Variants in AGO1 observed in about 807,000 individuals in gnomAD.
The protein encoded by AGO1 is argonaute RISC component 1, also known as protein argonaute-1.
A neutral mutation model predicts 109.2 loss-of-function variants in AGO1; 11 were observed. The observed-to-expected ratio is 0.10, with a 90% CI of 0.06 to 0.17. The LOEUF (loss-of-function observed/expected upper bound fraction) is 0.17, where lower values mean the gene tolerates loss of function less well. Ranked by LOEUF, AGO1 falls within the 10% of genes least tolerant of loss-of-function variation. The pLI, the probability that AGO1 is intolerant of heterozygous loss-of-function variation, is 1.00. For missense variants in AGO1, 574 were observed against 1,140.3 expected, an observed-to-expected ratio of 0.50 and a Z score of 7.15; for synonymous variants, 422 against 418.6, an observed-to-expected ratio of 1.01 and a Z score of -0.10.
At position 35,919,566 on chromosome 1, in the gene AGO1, C is replaced by G. The variant is rs774302590; in HGVS notation, c.2533C>G (p.Gln845Glu). Residue 845 changes from glutamine to glutamate, a missense_variant, in exon 19 of 19, where the codon CAG (glutamine) becomes GAG (glutamate). Around this residue, in one of 8 missense-constraint regions of AGO1, gnomAD observed 33 missense variants for 44.2 expected, o/e 0.75. Transcript: ENST00000373204. This position sits in a 1 kb window ranked among gnomAD's most constrained non-coding sequence, Gnocchi z 6.6. Reference sequence around the variant, plus strand: ...CCCCCAGGCCCTGGCCAAAGCCGTGCAGGTTCACCAGGATACTCTGCGCAC... The same window carrying G: ...CCCCCAGGCCCTGGCCAAAGCCGTGGAGGTTCACCAGGATACTCTGCGCAC... ...RDPQALAKAVQVHQDTLRTMY... is the reference protein window; with the variant it reads ...RDPQALAKAVEVHQDTLRTMY... 6.2e-7 allele frequency: 1 copy of G among 1,614,136 alleles called. No individual in the cohort carries two copies. Among genetic ancestry groups the G allele is most frequent in the African/African-American group, 1.3e-5 (1 of 75,064 alleles).
intron 7 of AGO1, among the ~76,000 whole-genome samples, chr1:35,894,740 C>A (rs1050209059): frequency 6.6e-6 from 1 of 152,144 alleles, no homozygotes; most frequent in Non-Finnish European, 1.5e-5. Context: ...CTCCTGGGCT[C>A]CTTGGGGAAG....
chr1:35,876,073 G>C (rs1342194894), intron 1 of AGO1, among the ~76,000 whole-genome samples: 1 of 152,090 alleles, frequency 6.6e-6, no homozygotes, highest in East Asian at 1.9e-4. Context: ...AAAAATAAGG[G>C]TTTGGAAGAC....
rs1163754955 is a variant in AGO1, at chr1:35,888,476, C to T, written c.75C>T (p.Arg25=). The T allele has an allele frequency of 1.9e-6, 3 of 1,614,094 alleles. No homozygotes were observed. Among genetic ancestry groups the T allele is most frequent in the African/African-American group, 2.7e-5 (2 of 74,922 alleles). Residue 25 remains arginine (R), a synonymous_variant, in exon 2 of 19, where the codon CGC becomes CGT. Coordinates refer to ENST00000373204, the MANE Select transcript of AGO1 (RefSeq NM_012199.5). This position sits in a 1 kb window ranked among gnomAD's most constrained non-coding sequence, Gnocchi z 4.1. ...PPLQQVFQAP[R]RPGIGTVGKP... ...TGCAGCAGGTGTTCCAGGCACCTCG[C>T]CGGCCTGGCATTGGCACTGTGGGGA...
At chr1:35,891,672 C>T (rs1645221847) in intron 2 of AGO1, among the ~76,000 whole-genome samples, 1 of 151,966 alleles carries the variant, frequency 6.6e-6, no homozygotes, top group Admixed American at 6.6e-5. Flanking sequence ...TCAAGTGATC[C>T]TCCCGCTTCA....
Position 35,911,820 on chromosome 1 carries a change from G to T in AGO1, c.1583-2022G>T, listed in dbSNP as rs913889697. The stretch of plus-strand genomic sequence containing the variant: ...TCACTAACTCCAGAGGACATTTCTG[G>T]TCCTGATTTTACCTCATCTCTTAGA... On this transcript the variant is annotated intron_variant, in intron 12 of 18. Coordinates refer to ENST00000373204, the MANE Select transcript of AGO1 (RefSeq NM_012199.5). Among the ~76,000 whole-genome samples the T allele has an allele frequency of 7.9e-5, 12 of 151,796 alleles. No individual in the cohort carries two copies. In the East Asian group the frequency reaches 2.1e-3, roughly 27 times the overall value.
chr1:35,926,234 G>T lies in AGO1; in HGVS notation c.*6627G>T, dbSNP rs910853352. 3 of 152,202 alleles carry T rather than the reference G, an allele frequency of 2.0e-5. No homozygotes were observed. Among genetic ancestry groups the T allele is most frequent in the Non-Finnish European group, 4.4e-5 (3 of 68,036 alleles). The allele number at this position is 152,202 out of a possible 1,614,324, so 9.4% of individuals were successfully genotyped here. On this transcript the variant is annotated 3_prime_UTR_variant, in exon 19 of 19. Transcript: ENST00000373204. Reference sequence around the variant, plus strand: ...AAAGATTGATATTGAAAAGCCTTCAGGATTTGCCTGTGGTTGCTACTCAAG... The same window carrying T: ...AAAGATTGATATTGAAAAGCCTTCATGATTTGCCTGTGGTTGCTACTCAAG...
chr1:35,894,585 T>C (rs1485209922), intron 7 of AGO1, among the ~76,000 whole-genome samples, 183 bp downstream of exon 7: 2 of 151,550 alleles, frequency 1.3e-5, no homozygotes, highest in African/African-American at 4.8e-5. Flanking sequence ...CTGTTGATAC[T>C]CTCCCTACCA....
chr1:35,905,198 G>A lies in AGO1; in HGVS notation c.1398-1737G>A, dbSNP rs118070505. Among the ~76,000 whole-genome samples the A allele has an allele frequency of 1.4e-4, 21 of 152,176 alleles. No individual in the cohort carries two copies. In the East Asian group the frequency reaches 3.1e-3, roughly 22 times the overall value. On this transcript the variant is annotated intron_variant, in intron 11 of 18. Coordinates refer to ENST00000373204, the MANE Select transcript of AGO1 (RefSeq NM_012199.5). ...TGAGACCCACTATTCATGAAATCTG[G>A]TAACATACTGGCTTTTTAATAGCTA...
Position 35,925,459 on chromosome 1 carries a change from ATATT to A in AGO1, c.*5858_*5861del, listed in dbSNP as rs1179746891. On this transcript the variant is annotated 3_prime_UTR_variant, in exon 19 of 19. Coordinates refer to ENST00000373204, the MANE Select transcript of AGO1 (RefSeq NM_012199.5). Reference sequence around the variant, plus strand: ...GCATACTAGATAATAGTAGCATACTATATTTATTTCCATAATTTGTCTTCTTTAG... The same window carrying A: ...GCATACTAGATAATAGTAGCATACTATATTTCCATAATTTGTCTTCTTTAG... The A allele has an allele frequency of 7.4e-5, 11 of 149,518 alleles. No individual in the cohort carries two copies. The highest frequency in any genetic ancestry group is 2.5e-4 in the African/African-American group (10 of 40,396). The allele number at this position is 149,518 out of a possible 1,614,324, so 9.3% of individuals were successfully genotyped here.
chr1:35,894,445 A>G (rs375765069), intron 7 of AGO1, 43 bp downstream of exon 7: 256 of 1,591,054 alleles, frequency 1.6e-4, no homozygotes, highest in Middle Eastern at 1.7e-4. Flanking sequence ...TTGGTGGAGA[A>G]GGGCTGAGAT....
Position 35,892,576 on chromosome 1 carries a change from G to T in AGO1, c.229G>T (p.Val77Phe). 3.7e-6 allele frequency: 6 copies of T among 1,614,220 alleles called. No individual in the cohort carries two copies. The highest frequency in any genetic ancestry group is 5.1e-6 in the Non-Finnish European group (6 of 1,180,034). The part of the protein sequence containing the change: ...RVNREVVEYM[V>F]QHFKPQIFGD... ...CCACAGGGAAGTGGTGGAATACATG[G>T]TCCAGCATTTCAAGCCTCAGATCTT... The change falls in exon 3 of 19, where the codon GTC (valine) becomes TTC (phenylalanine). Residue 77 changes from valine (V) to phenylalanine (F), a missense_variant. Coordinates refer to ENST00000373204, the MANE Select transcript of AGO1 (RefSeq NM_012199.5).
intron 11 of AGO1, among the ~76,000 whole-genome samples, chr1:35,905,973 C>A (rs568364554): frequency 2.6e-4 from 39 of 152,140 alleles, no homozygotes; most frequent in Non-Finnish European, 2.8e-4. Context: ...ATAATAACAT[C>A]TCCTAAACAG....
chr1:35,908,001 T>G (rs1571365957), intron 12 of AGO1, among the ~76,000 whole-genome samples: 2 of 152,166 alleles, frequency 1.3e-5, no homozygotes. Flanking sequence ...GCACCTGTGG[T>G]CCCAGCTACT....
chr1:35,922,611 C>CCTGCCTGCCTGCCTGCCTGT lies in AGO1; in HGVS notation c.*3011_*3030dup, dbSNP rs1645853771. Reference sequence around the variant, plus strand: ...GCTTGCTGGCCGGCCTGCCTGCCTGCCTGCCTGCCTGCCTGCCTGTCTGCC... The same window carrying CCTGCCTGCCTGCCTGCCTGT: ...GCTTGCTGGCCGGCCTGCCTGCCTGCCTGCCTGCCTGCCTGCCTGTCTGCCTGCCTGCCTGCCTGTCTGCC... On this transcript the variant is annotated 3_prime_UTR_variant, in exon 19 of 19. Transcript: ENST00000373204. 1 of 153,366 alleles carries CCTGCCTGCCTGCCTGCCTGT rather than the reference C, an allele frequency of 6.5e-6. No homozygotes were observed. The allele number at this position is 153,366 out of a possible 1,614,324, so 9.5% of individuals were successfully genotyped here.
chr1:35,870,203 C>G lies in AGO1; in HGVS notation c.-201+300C>G, dbSNP rs528782856. ...TTGAAGGGGTTGACTAATCTCAGGT[C>G]ACACTGCTTGTTAGAGCTTGGATTC... On this transcript the variant is annotated intron_variant, in intron 1 of 18. Transcript: ENST00000373206. Among the ~76,000 whole-genome samples, 4 of 152,106 alleles carry G rather than the reference C, an allele frequency of 2.6e-5. No individual in the cohort carries two copies. The East Asian group carries it at 7.7e-4, about 29-fold the overall frequency.
chr1:35,871,895 C>T (rs1470076473), intron 1 of AGO1, among the ~76,000 whole-genome samples: 3 of 151,374 alleles, frequency 2.0e-5, no homozygotes, highest in African/African-American at 4.9e-5. Context: ...CAGTGAAACC[C>T]CATCTCTACT....
Position 35,883,974 on chromosome 1 carries a change from C to A in AGO1, c.25+528C>A, listed in dbSNP as rs751689949. Reference sequence around the variant, plus strand: ...TGGGGACCCAGTCCCGGGATTACCCCCCGTGGGTCTGGGGAGTCGGAGCGG... The same window carrying A: ...TGGGGACCCAGTCCCGGGATTACCCACCGTGGGTCTGGGGAGTCGGAGCGG... On this transcript the variant is annotated intron_variant, in intron 1 of 18. Transcript: ENST00000373204. This position sits in a 1 kb window ranked among gnomAD's most constrained non-coding sequence, Gnocchi z 5.4. Among the ~76,000 whole-genome samples the A allele has an allele frequency of 2.6e-5, 4 of 152,216 alleles. No individual in the cohort carries two copies. The highest frequency in any genetic ancestry group is 1.9e-4 in the East Asian group (1 of 5,198).
intron 1 of AGO1, chr1:35,873,705 AAG>A (rs1436566606): frequency 1.3e-5 from 2 of 152,960 alleles, no homozygotes; most frequent in Non-Finnish European, 2.9e-5. Flanking sequence ...TCTCTCGTGA[AAG>A]AGTACTTTTC....
Position 35,902,196 on chromosome 1 carries a change from A to G in AGO1, c.1264-8A>G. 1 of 1,612,342 alleles carries G rather than the reference A, an allele frequency of 6.2e-7. No individual in the cohort carries two copies. The highest frequency in any genetic ancestry group is 8.5e-7 in the Non-Finnish European group (1 of 1,178,960). On this transcript the variant is annotated splice_polypyrimidine_tract_variant and splice_region_variant and intron_variant, in intron 10 of 18. Coordinates refer to ENST00000373204, the MANE Select transcript of AGO1 (RefSeq NM_012199.5). ...GCTCACCTAGGCGCCCCCTCTACCT[A>G]TCCCCAGAACCGGGCCATTGCCACA...
Sources: allele counts gnomAD v4.1 joint callset (sites outside exome capture counted in the v4.1 genomes callset), GRCh38; gene constraint gnomAD v4.1.1; regional missense constraint gnomAD v4.1.1; non-coding constraint Gnocchi (gnomAD v3.1); transcripts MANE v1.5; gene names NCBI Gene and HGNC (gene_info 2026-07-23, HGNC 2026-07-21).